Variants in ANO6 observed in about 807,000 individuals in gnomAD.
ANO6 encodes the protein anoctamin 6.
ANO6 carries 106 observed loss-of-function variants against 117.5 expected under a neutral mutation model. That is an observed-to-expected ratio of 0.90 (90% confidence interval 0.77 to 1.06). The LOEUF (loss-of-function observed/expected upper bound fraction) is 1.06. ANO6 is among the 50% of genes least tolerant of loss of function. The probability of loss-of-function intolerance (pLI) is 0.00; values close to 1 mark genes in which losing one functional copy is unlikely to be tolerated. For missense variants in ANO6, 955 were observed against 1,121.1 expected (o/e 0.85, Z 2.12); for synonymous variants, 367 against 385.1 (o/e 0.95, Z 0.55).
At chr12:45,352,800 A>G (rs534199644) in intron 7 of ANO6, among the ~76,000 whole-genome samples, 9 of 152,246 alleles carry the variant, frequency 5.9e-5, no homozygotes, top group African/African-American at 2.2e-4. Context: ...CCCCAAAAAA[A>G]CTTAATGGTT....
intron 12 of ANO6, among the ~76,000 whole-genome samples, chr12:45,398,007 A>C (rs1942674455): frequency 6.6e-6 from 1 of 152,190 alleles, no homozygotes; most frequent in African/African-American, 2.4e-5. Context: ...AAATTTGATG[A>C]CTATATGATC....
chr12:45,296,796 T>A (rs1167203748), intron 1 of ANO6, among the ~76,000 whole-genome samples: 1 of 152,150 alleles, frequency 6.6e-6, no homozygotes, highest in Non-Finnish European at 1.5e-5. Flanking sequence ...TAATTATTCT[T>A]CATCTGTGAA....
intron 1 of ANO6, chr12:45,292,752 G>A: frequency 7.0e-7 from 1 of 1,421,818 alleles, no homozygotes; most frequent in Non-Finnish European, 9.3e-7. Context: ...ACCAAACATG[G>A]AAATGTTACA....
chr12:45,268,050 T>C (rs1938277128), intron 1 of ANO6, among the ~76,000 whole-genome samples: 1 of 152,226 alleles, frequency 6.6e-6, no homozygotes, highest in African/African-American at 2.4e-5. Context: ...TTTAATGTAT[T>C]AGTGTGTCAG....
At chr12:45,420,715 C>A (rs7965912) in intron 17 of ANO6, among the ~76,000 whole-genome samples, 25,857 of 152,062 alleles carry the variant, frequency 0.17, 3,211 homozygotes, top group East Asian at 0.45. Flanking sequence ...CTGACCTATA[C>A]AAACTATAAC....
At chr12:45,217,136 A>AT (rs1947327903) in intron 1 of ANO6, among the ~76,000 whole-genome samples, 1 of 152,232 alleles carries the variant, frequency 6.6e-6, no homozygotes, top group South Asian at 2.1e-4. Context: ...GAGCAAAAAA[A>AT]GAAAAAAAGG....
intron 8 of ANO6, among the ~76,000 whole-genome samples, chr12:45,365,774 C>A (rs1256491834): frequency 6.6e-6 from 1 of 152,150 alleles, no homozygotes; most frequent in Admixed American, 6.5e-5. Flanking sequence ...AGAGATTTAG[C>A]CAGTTTTCCT....
At chr12:45,361,792 C>G (rs1037628224) in intron 8 of ANO6, among the ~76,000 whole-genome samples, 1 of 152,088 alleles carries the variant, frequency 6.6e-6, no homozygotes, top group African/African-American at 2.4e-5. Context: ...TGGTATATTA[C>G]AAGAATTGAT....
intron 4 of ANO6, among the ~76,000 whole-genome samples, chr12:45,347,730 A>G (rs1163699254): frequency 6.6e-6 from 1 of 152,198 alleles, no homozygotes; most frequent in Admixed American, 6.5e-5. Flanking sequence ...CTTTAAGTCA[A>G]TAATTAGGGT....
At chr12:45,271,298 A>G (rs1440595118) in intron 1 of ANO6, among the ~76,000 whole-genome samples, 1 of 152,230 alleles carries the variant, frequency 6.6e-6, no homozygotes, top group Non-Finnish European at 1.5e-5. Flanking sequence ...AAGTTGTCTG[A>G]AGTAAATGAT....
chr12:45,418,728 C>T (rs1399948720), intron 17 of ANO6, among the ~76,000 whole-genome samples: 1 of 152,172 alleles, frequency 6.6e-6, no homozygotes, highest in Non-Finnish European at 1.5e-5. Flanking sequence ...TCCAAGGCGA[C>T]TCAGTGTGTG....
chr12:45,391,128 A>T (rs1565743502), intron 12 of ANO6, among the ~76,000 whole-genome samples: 1 of 152,182 alleles, frequency 6.6e-6, no homozygotes, highest in Admixed American at 6.5e-5. Flanking sequence ...CAAAAAAAAA[A>T]TAAATAAAAT....
At chr12:45,397,765 C>G (rs1408324288) in intron 12 of ANO6, among the ~76,000 whole-genome samples, 1 of 152,170 alleles carries the variant, frequency 6.6e-6, no homozygotes, top group African/African-American at 2.4e-5. Context: ...TGTTCTCACT[C>G]ATAGGTGGGA....
chr12:45,278,844 T>C (rs1938633783), intron 1 of ANO6, among the ~76,000 whole-genome samples: 1 of 152,204 alleles, frequency 6.6e-6, no homozygotes, highest in Admixed American at 6.5e-5. Flanking sequence ...ATTATGCACT[T>C]CACTTTAGGG....
chr12:45,327,625 T>G (rs1384557569), intron 2 of ANO6, among the ~76,000 whole-genome samples: 1 of 152,204 alleles, frequency 6.6e-6, no homozygotes, highest in Non-Finnish European at 1.5e-5. Flanking sequence ...AATAGATGTT[T>G]ATAAAACAGT....
intron 2 of ANO6, among the ~76,000 whole-genome samples, chr12:45,319,620 T>A (rs1447849940): frequency 6.6e-6 from 1 of 152,198 alleles, no homozygotes; most frequent in Non-Finnish European, 1.5e-5. Context: ...ATCAGGATGA[T>A]GCTGGCCTCA....
chr12:45,428,084 T>A (rs564590916), intron 19 of ANO6, among the ~76,000 whole-genome samples: 70 of 151,904 alleles, frequency 4.6e-4, no homozygotes, highest in Non-Finnish European at 7.2e-4. Context: ...TGACATAGAG[T>A]CTCAGCAGTC....
intron 1 of ANO6, among the ~76,000 whole-genome samples, chr12:45,247,544 C>T (rs779965756): frequency 6.6e-6 from 1 of 152,186 alleles, no homozygotes; most frequent in African/African-American, 2.4e-5. Context: ...CTATCTTAGT[C>T]GGCTAGGTCT....
At chr12:45,243,405 C>G (rs1250661379) in intron 1 of ANO6, among the ~76,000 whole-genome samples, 1 of 152,196 alleles carries the variant, frequency 6.6e-6, no homozygotes, top group East Asian at 1.9e-4. Flanking sequence ...GCATTCTAAA[C>G]TTCTAAAATT....
Sources: allele counts gnomAD v4.1 joint callset (sites outside exome capture counted in the v4.1 genomes callset), GRCh38; gene constraint gnomAD v4.1.1; transcripts MANE v1.5; gene names NCBI Gene and HGNC (gene_info 2026-07-23, HGNC 2026-07-21).